Variants in CCSER1 observed in about 807,000 individuals in gnomAD.
The protein encoded by CCSER1 is serine-rich coiled-coil domain-containing protein 1.
In CCSER1, 41 loss-of-function variants were observed where a neutral mutation model predicts 82.0. The observed-to-expected ratio is 0.50, with a 90% CI of 0.39 to 0.65. The LOEUF (loss-of-function observed/expected upper bound fraction) is 0.65, where lower values mean the gene tolerates loss of function less well. Among genes scored for constraint, CCSER1 ranks in the 30% least tolerant of loss-of-function variants. CCSER1 has a pLI of 0.00. For missense variants in CCSER1, 1,119 were observed against 1,064.2 expected (o/e 1.05, Z -0.72); for synonymous variants, 414 against 383.9 (o/e 1.08, Z -0.92).
At chr4:90,336,790 T>C (rs889626402) in intron 3 of CCSER1, among the ~76,000 whole-genome samples, 3 of 152,202 alleles carry the variant, frequency 2.0e-5, no homozygotes, top group Non-Finnish European at 4.4e-5. Context: ...TACACATTTA[T>C]AAAGCAAGGG....
chr4:90,710,019 T>C (rs770515059), intron 6 of CCSER1, among the ~76,000 whole-genome samples: 29 of 151,888 alleles, frequency 1.9e-4, no homozygotes, highest in Admixed American at 3.3e-4. Flanking sequence ...TGGTTTTGAT[T>C]TGCATTTCTC....
At chr4:90,469,563 ACAC>A (rs1054669360) in intron 5 of CCSER1, among the ~76,000 whole-genome samples, 3 of 151,280 alleles carry the variant, frequency 2.0e-5, no homozygotes, top group Admixed American at 1.3e-4. Context: ...ACACACACAC[ACAC>A]ATTTCCTTAT....
intron 10 of CCSER1, among the ~76,000 whole-genome samples, chr4:91,529,685 T>C (rs964446555): frequency 2.0e-5 from 3 of 152,106 alleles, no homozygotes; most frequent in African/African-American, 7.2e-5. Flanking sequence ...GCTCATTAGA[T>C]TGAGTAGCTG....
At chr4:91,234,919 G>C (rs1384893012) in intron 10 of CCSER1, among the ~76,000 whole-genome samples, 1 of 151,962 alleles carries the variant, frequency 6.6e-6, no homozygotes, top group Non-Finnish European at 1.5e-5. Context: ...ACAATCATTT[G>C]TGGTATGATT....
chr4:91,597,423 A>T (rs2110358749), intron 10 of CCSER1, among the ~76,000 whole-genome samples: 1 of 152,184 alleles, frequency 6.6e-6, no homozygotes, highest in East Asian at 1.9e-4. Flanking sequence ...GGATGACTTG[A>T]GATTATATTT....
chr4:90,670,747 A>G (rs1229736258), intron 6 of CCSER1, among the ~76,000 whole-genome samples: 1 of 152,050 alleles, frequency 6.6e-6, no homozygotes, highest in African/African-American at 2.4e-5. Flanking sequence ...TTAAACTGTC[A>G]CTGAGTACCT....
At chr4:91,050,328 G>A (rs146083366) in intron 9 of CCSER1, among the ~76,000 whole-genome samples, 1,730 of 152,020 alleles carry the variant, frequency 0.011, 25 homozygotes, top group African/African-American at 0.04. Context: ...CTACTTGGGA[G>A]GCTGGGGCAG....
chr4:91,302,440 C>T (rs945294690), intron 10 of CCSER1, among the ~76,000 whole-genome samples: 2 of 151,942 alleles, frequency 1.3e-5, no homozygotes, highest in Admixed American at 6.6e-5. Context: ...CAAGGCAAAA[C>T]CATTTTTTTT....
chr4:90,645,372 T>C (rs1274077150), intron 6 of CCSER1, among the ~76,000 whole-genome samples: 1 of 152,210 alleles, frequency 6.6e-6, no homozygotes, highest in Non-Finnish European at 1.5e-5. Context: ...TTCTGTGTTA[T>C]AGTAATGATA....
intron 6 of CCSER1, among the ~76,000 whole-genome samples, chr4:90,722,895 G>A (rs1165112896): frequency 6.6e-6 from 1 of 151,880 alleles, no homozygotes; most frequent in Non-Finnish European, 1.5e-5. Flanking sequence ...ATAAGTAGCG[G>A]TTGTAGCACC....
chr4:91,284,260 G>C (rs1743115668), intron 10 of CCSER1, among the ~76,000 whole-genome samples: 1 of 152,078 alleles, frequency 6.6e-6, no homozygotes, highest in Non-Finnish European at 1.5e-5. Flanking sequence ...TTTTGCCACA[G>C]CTAATGAGAA....
rs188671400 is a variant in CCSER1 at position 90,136,821 on chromosome 4, G to A, written c.-42+8990G>A. ...TCTTCAAGACATTTAGGAAAAGCTCGAAGTGAGAAAACCATGCATATATCC... is the reference window on the plus strand; with the variant it reads ...TCTTCAAGACATTTAGGAAAAGCTCAAAGTGAGAAAACCATGCATATATCC... On this transcript the variant is annotated intron_variant, in intron 1 of 10. Transcript: ENST00000509176. Among the ~76,000 whole-genome samples, 250 of 152,246 alleles carry A rather than the reference G, an allele frequency of 1.6e-3. 2 individuals are homozygous for A. The highest frequency in any genetic ancestry group is 5.3e-3 in the African/African-American group (221 of 41,556).
chr4:91,402,989 A>G (rs1470266382), intron 10 of CCSER1, among the ~76,000 whole-genome samples: 1 of 152,166 alleles, frequency 6.6e-6, no homozygotes, highest in African/African-American at 2.4e-5. Context: ...CTTGGGCAGT[A>G]TGGCCATTTT....
intron 8 of CCSER1, among the ~76,000 whole-genome samples, chr4:90,905,611 G>A (rs771392328): frequency 1.3e-5 from 2 of 151,920 alleles, no homozygotes; most frequent in Admixed American, 6.6e-5. Context: ...ACCAAAATTT[G>A]TCGTTTTTTA....
At chr4:91,144,164 T>C (rs1207761915) in intron 10 of CCSER1, among the ~76,000 whole-genome samples, 1 of 152,060 alleles carries the variant, frequency 6.6e-6, no homozygotes, top group Admixed American at 6.6e-5. Context: ...GTTCAGGGTT[T>C]TAATTTCTTC....
chr4:91,311,372 G>A (rs1745464661), intron 10 of CCSER1, among the ~76,000 whole-genome samples: 1 of 151,882 alleles, frequency 6.6e-6, no homozygotes. Flanking sequence ...TTTTTCTCCT[G>A]CCAGAAAAGT....
chr4:91,519,412 C>A lies in CCSER1; in HGVS notation c.2218-79160C>A, dbSNP rs556287189. ...AGTGAGGGTTGGCTGGTGTCCCAGA[C>A]CAGTGGGTATTATCCTGCGAGGTGC... On this transcript the variant is annotated intron_variant, in intron 10 of 10. Transcript: ENST00000509176. Among the ~76,000 whole-genome samples, 14 of 152,294 alleles carry A rather than the reference C, an allele frequency of 9.2e-5. No homozygotes were observed. In the East Asian group the frequency reaches 2.5e-3, roughly 27 times the overall value.
At chr4:91,039,169 G>T (rs1235595041) in intron 9 of CCSER1, among the ~76,000 whole-genome samples, 4 of 151,730 alleles carry the variant, frequency 2.6e-5, no homozygotes, top group Admixed American at 2.6e-4. Flanking sequence ...CTGGGACTAA[G>T]GCATGTGCCA....
intron 7 of CCSER1, among the ~76,000 whole-genome samples, chr4:90,760,577 A>T (rs1750269751): frequency 6.6e-6 from 1 of 152,134 alleles, no homozygotes; most frequent in Admixed American, 6.6e-5. Context: ...GTTTATGATA[A>T]TAATACTAGT....
Sources: allele counts gnomAD v4.1 joint callset (sites outside exome capture counted in the v4.1 genomes callset), GRCh38; gene constraint gnomAD v4.1.1; transcripts MANE v1.5; gene names NCBI Gene and HGNC (gene_info 2026-07-23, HGNC 2026-07-21).